Variants in RYR2 observed in about 807,000 individuals in gnomAD.
RYR2 encodes ryanodine receptor 2, also known as cardiac muscle ryanodine receptor-calcium release channel.
A neutral mutation model predicts 601.1 loss-of-function variants in RYR2; 227 were observed. The ratio of observed to expected loss-of-function variants is 0.38; its 90% CI spans 0.34 to 0.42. The LOEUF (loss-of-function observed/expected upper bound fraction) is 0.42. Among genes scored for constraint, RYR2 ranks in the 10% least tolerant of loss-of-function variants. The probability of loss-of-function intolerance (pLI) is 1.00; values close to 1 mark genes in which losing one functional copy is unlikely to be tolerated. For synonymous variants in RYR2, 2,223 were observed against 2,175.1 expected (o/e 1.02, Z -0.61); for missense variants, 4,646 against 6,156.5 (o/e 0.75, Z 8.21).
intron 42 of RYR2, among the ~76,000 whole-genome samples, chr1:237,631,849 C>A (rs948862503): frequency 1.6e-5 from 2 of 128,422 alleles, no homozygotes; most frequent in South Asian, 2.5e-4. Flanking sequence ...AGGATGGTCT[C>A]GATCTCCTGA....
intron 6 of RYR2, among the ~76,000 whole-genome samples, chr1:237,371,790 C>T (rs368077978): frequency 7.9e-5 from 12 of 152,054 alleles, no homozygotes; most frequent in Non-Finnish European, 1.6e-4. Flanking sequence ...AGCAAACTAT[C>T]GCAAGGACAA....
chr1:237,491,437 T>C (rs1663327144), intron 17 of RYR2, among the ~76,000 whole-genome samples: 1 of 152,172 alleles, frequency 6.6e-6, no homozygotes, highest in East Asian at 1.9e-4. Flanking sequence ...TTCAAGACTT[T>C]ACTCATGCAC....
chr1:237,103,899 G>A (rs967763846), intron 1 of RYR2, among the ~76,000 whole-genome samples: 1 of 151,988 alleles, frequency 6.6e-6, no homozygotes, highest in Non-Finnish European at 1.5e-5. Flanking sequence ...CTGTTAGCTA[G>A]CATTCCAACT....
At chr1:237,734,706 C>T (rs1304676752) in intron 79 of RYR2, among the ~76,000 whole-genome samples, 9 of 152,084 alleles carry the variant, frequency 5.9e-5, no homozygotes, top group African/African-American at 9.7e-5. Context: ...CACTTGGGTA[C>T]CATGTACTGA....
intron 1 of RYR2, among the ~76,000 whole-genome samples, chr1:237,100,356 TTCTTCC>T (rs1275320525): frequency 2.0e-5 from 3 of 151,788 alleles, no homozygotes; most frequent in Non-Finnish European, 4.4e-5. Context: ...TTCTCTCTTC[TTCTTCC>T]TCTTCCTCTT....
chr1:237,125,124 A>T (rs1014798695), intron 1 of RYR2, among the ~76,000 whole-genome samples: 1 of 152,126 alleles, frequency 6.6e-6, no homozygotes, highest in Non-Finnish European at 1.5e-5. Context: ...TGCCAGAAAG[A>T]GGGTAACAAT....
At chr1:237,577,995 G>T (rs982109954) in intron 29 of RYR2, among the ~76,000 whole-genome samples, 1 of 152,088 alleles carries the variant, frequency 6.6e-6, no homozygotes, top group Non-Finnish European at 1.5e-5. Context: ...TAGAGACGGG[G>T]TTTCACCATG....
In RYR2 at chr1:237,726,282, C is replaced by T. The variant is rs559154874; in HGVS notation, c.10699C>T (p.Arg3567Cys). 53 of 1,585,198 alleles carry T rather than the reference C, an allele frequency of 3.3e-5. No individual in the cohort carries two copies. Among genetic ancestry groups the T allele is most frequent in the Middle Eastern group, 1.7e-4 (1 of 6,024 alleles). The change falls in exon 75 of 105, where the codon CGT becomes TGT. Residue 3567 changes from arginine to cysteine, a missense_variant. This residue lies in a region of RYR2 where 1,497 missense variants were observed against 1,842.6 expected (regional missense o/e 0.81). Coordinates refer to ENST00000366574, the MANE Select transcript of RYR2 (RefSeq NM_001035.3). ...TTTTTATTTCTTTCAGAAGTCTAAA[C>T]GTGTGGGTCGGAGACATTACTGTCT... ...VLFHLEQKSKRVGRRHYCLVE... is the reference protein window; with the variant it reads ...VLFHLEQKSKCVGRRHYCLVE...
chr1:237,407,605 GGTT>G (rs146417874), intron 10 of RYR2, among the ~76,000 whole-genome samples: 35,896 of 119,924 alleles, frequency 0.3, 4,213 homozygotes, highest in East Asian at 0.37. Context: ...TTTAAATTGT[GGTT>G]GTTTTTTTTT....
Position 237,659,986 on chromosome 1 carries a change from T to C in RYR2, c.8210T>C (p.Leu2737Ser). The C allele has an allele frequency of 1.9e-6, 3 of 1,577,186 alleles. No individual in the cohort carries two copies. Among genetic ancestry groups the C allele is most frequent in the Non-Finnish European group, 2.6e-6 (3 of 1,166,162 alleles). ...TTTTAATGTTTGCCTTTTTTTAAGT[T>C]GGCAAATGGATGGATTTATGGAGAA... ...HSHDKWSMDKLANGWIYGEIY... is the reference protein window; with the variant it reads ...HSHDKWSMDKSANGWIYGEIY... Residue 2737 changes from leucine to serine, a missense_variant and splice_region_variant, in exon 55 of 105, where the codon TTG (leucine) becomes TCG (serine). Coordinates refer to ENST00000366574, the MANE Select transcript of RYR2 (RefSeq NM_001035.3).
intron 72 of RYR2, among the ~76,000 whole-genome samples, chr1:237,717,962 C>T (rs967658972): frequency 8.5e-5 from 13 of 152,296 alleles, no homozygotes; most frequent in Non-Finnish European, 1.9e-4. Flanking sequence ...CACTGAAGCT[C>T]GTCACTGAAC....
Position 237,509,093 on chromosome 1 carries a change from G to A in RYR2, c.2718+2279G>A, listed in dbSNP as rs1048699427. 5.3e-5 allele frequency among the ~76,000 whole-genome samples: 8 copies of A among 152,226 alleles called. 1 individual carries two copies. Among genetic ancestry groups the A allele is most frequent in the Admixed American group, 4.6e-4 (7 of 15,296 alleles). On this transcript the variant is annotated intron_variant, in intron 23 of 104. Transcript: ENST00000366574. Reference sequence around the variant, plus strand: ...ACAGTACCGTGGGGCCTTCTTGCCCGCAACTGACTCAAGTTATCCTTTGCT... The same window carrying A: ...ACAGTACCGTGGGGCCTTCTTGCCCACAACTGACTCAAGTTATCCTTTGCT...
chr1:237,717,171 A>T, intron 71 of RYR2, 27 bp from the exon 72 acceptor site: 2 of 1,609,362 alleles, frequency 1.2e-6, no homozygotes, highest in South Asian at 1.1e-5. Context: ...GCAGGTTCAG[A>T]TCCCAGCACT....
intron 1 of RYR2, among the ~76,000 whole-genome samples, chr1:237,222,257 C>A (rs1683877891): frequency 6.6e-6 from 1 of 151,998 alleles, no homozygotes; most frequent in East Asian, 1.9e-4. Flanking sequence ...TACTAAAATA[C>A]AAAAAATTAG....
chr1:237,644,218 T>C (rs892180054), intron 48 of RYR2, among the ~76,000 whole-genome samples: 14 of 151,764 alleles, frequency 9.2e-5, no homozygotes, highest in African/African-American at 3.4e-4. Flanking sequence ...TTAAAAAGAG[T>C]GTTTGTTGTT....
At chr1:237,594,911 T>TGCA (rs1289269092) in intron 33 of RYR2, among the ~76,000 whole-genome samples, 2 of 73,584 alleles carry the variant, frequency 2.7e-5, no homozygotes, top group Non-Finnish European at 6.1e-5. Context: ...TTTTTTTTTT[T>TGCA]TTTTTTTTTT....
chr1:237,340,902 G>A (rs1697714143), intron 3 of RYR2, among the ~76,000 whole-genome samples: 1 of 152,148 alleles, frequency 6.6e-6, no homozygotes, highest in Non-Finnish European at 1.5e-5. Flanking sequence ...CTGTCACTTA[G>A]GTGAATGTGG....
At chr1:237,273,044 C>T (rs1229267262) in intron 2 of RYR2, among the ~76,000 whole-genome samples, 1 of 152,072 alleles carries the variant, frequency 6.6e-6, no homozygotes, top group Non-Finnish European at 1.5e-5. Context: ...ATGATTCAAG[C>T]ACATTACATT....
chr1:237,627,098 G>A (rs2148663577), intron 40 of RYR2, among the ~76,000 whole-genome samples: 1 of 152,306 alleles, frequency 6.6e-6, no homozygotes, highest in East Asian at 1.9e-4. Flanking sequence ...CTAGGATTAA[G>A]TGCCTCATCG....
Sources: gnomAD v4.1 joint callset for allele counts (sites outside exome capture counted in the v4.1 genomes callset) on GRCh38, gnomAD v4.1.1 for gene constraint, gnomAD v4.1.1 regional missense constraint, MANE v1.5 for transcripts, NCBI Gene and HGNC (gene_info 2026-07-23, HGNC 2026-07-21) for gene names.